Variants in TAF3 observed in about 807,000 individuals in gnomAD.
The protein encoded by TAF3 is TATA-box binding protein associated factor 3, also known as transcription initiation factor TFIID subunit 3.
TAF3 carries 7 observed loss-of-function variants against 80.6 expected under a neutral mutation model. The ratio of observed to expected loss-of-function variants is 0.09; its 90% CI spans 0.05 to 0.16. The LOEUF (loss-of-function observed/expected upper bound fraction) is 0.16. Among genes scored for constraint, TAF3 ranks in the 10% least tolerant of loss-of-function variants. The probability of loss-of-function intolerance (pLI) is 1.00; values close to 1 mark genes in which losing one functional copy is unlikely to be tolerated. For missense variants in TAF3, 921 were observed against 1,140.2 expected (o/e 0.81, Z 2.77); for synonymous variants, 444 against 446.1 (o/e 1.00, Z 0.06).
chr10:8,005,776 C>A (rs569408022), intron 4 of TAF3, among the ~76,000 whole-genome samples: 9 of 152,326 alleles, frequency 5.9e-5, no homozygotes, highest in Non-Finnish European at 1.0e-4. Context: ...TGCTTACCCT[C>A]TGGATATAAA....
In TAF3 at chr10:8,014,923, G is replaced by A. The variant is rs1455937268; in HGVS notation, c.*172G>A. Reference sequence around the variant, plus strand: ...GCGCACCTGGATTGTTCACTCCCGAGCCGCCTTGGCCTGTGGCTCCGTGGC... The same window carrying A: ...GCGCACCTGGATTGTTCACTCCCGAACCGCCTTGGCCTGTGGCTCCGTGGC... On this transcript the variant is annotated 3_prime_UTR_variant, in exon 7 of 7. Transcript: ENST00000344293. The A allele has an allele frequency of 3.7e-6, 2 of 536,810 alleles. No individual in the cohort carries two copies. Among genetic ancestry groups the A allele is most frequent in the Non-Finnish European group, 6.5e-6 (2 of 308,074 alleles). 33.3% of individuals were successfully genotyped at this position (536,810 alleles called of 1,614,324 possible). A position where few individuals can be genotyped will look rare whatever the true frequency, so the allele number is the denominator to read the frequency against.
intron 2 of TAF3, among the ~76,000 whole-genome samples, chr10:7,832,749 C>T (rs538971782): frequency 3.9e-5 from 6 of 152,190 alleles, no homozygotes; most frequent in Admixed American, 1.3e-4. Context: ...GCGATTTCAC[C>T]ATGTTGGCCA....
intron 2 of TAF3, among the ~76,000 whole-genome samples, chr10:7,933,977 C>T (rs1452325626): frequency 1.3e-5 from 2 of 152,192 alleles, no homozygotes; most frequent in Non-Finnish European, 2.9e-5. Flanking sequence ...ACACATGCAC[C>T]GAAACCTGCA....
chr10:7,818,891 G>C lies in TAF3; in HGVS notation c.166+16G>C. On this transcript the variant is annotated intron_variant, in intron 1 of 6. Transcript: ENST00000344293. The stretch of plus-strand genomic sequence containing the variant: ...TCTGAGCTCTGTGAGTACCGGGCTG[G>C]GTGCGGGAGGGCTGCCCCGGCAAGT... 2 of 1,398,066 alleles carry C rather than the reference G, an allele frequency of 1.4e-6. No homozygotes were observed. Among genetic ancestry groups the C allele is most frequent in the Middle Eastern group, 2.4e-4 (1 of 4,178 alleles). 86.6% of individuals were successfully genotyped at this position (1,398,066 alleles called of 1,614,324 possible).
chr10:7,943,542 A>G (rs76317632), intron 2 of TAF3, among the ~76,000 whole-genome samples: 2,679 of 152,280 alleles, frequency 0.018, 80 homozygotes, highest in African/African-American at 0.061. Context: ...AGCTGCCAGG[A>G]GTGCCTGAGA....
At chr10:7,910,716 A>C (rs1837649690) in intron 2 of TAF3, among the ~76,000 whole-genome samples, 2 of 152,208 alleles carry the variant, frequency 1.3e-5, no homozygotes, top group South Asian at 4.1e-4. Context: ...AATTCTGGGT[A>C]TAAAGCTAAA....
rs1258611919 is a variant in TAF3, at chr10:8,015,859, A to C, written c.*1108A>C. 6.6e-6 allele frequency: 1 copy of C among 151,388 alleles called. No individual in the cohort carries two copies. The highest frequency in any genetic ancestry group is 1.9e-4 in the East Asian group (1 of 5,194). The allele number at this position is 151,388 out of a possible 1,614,324, so 9.4% of individuals were successfully genotyped here. On this transcript the variant is annotated 3_prime_UTR_variant, in exon 7 of 7. Transcript: ENST00000344293. The stretch of plus-strand genomic sequence containing the variant: ...GGACATGTAGTTTCCATGAAAGTAA[A>C]AAAAAAAAACAACAAAAAACCCACA...
chr10:7,837,827 A>G (rs890147295), intron 2 of TAF3, among the ~76,000 whole-genome samples: 5 of 152,156 alleles, frequency 3.3e-5, no homozygotes, highest in Non-Finnish European at 5.9e-5. Context: ...TCAAAAAAAT[A>G]AAAAGGGAAT....
rs186356575 is a variant in TAF3, at chr10:8,007,822, T to C, written c.2316-1256T>C. On this transcript the variant is annotated intron_variant, in intron 4 of 6. Transcript: ENST00000344293. ...GTGCCTAGTATAACCTCTAACTTCT[T>C]ATAGGTCCTCAATAAATAGTGCTTT... is the stretch of plus-strand genomic sequence containing the variant. Among the ~76,000 whole-genome samples the C allele has an allele frequency of 4.5e-4, 68 of 151,798 alleles. No homozygotes were observed. The East Asian group carries it at 0.013, about 29-fold the overall frequency.
chr10:7,884,277 T>C (rs1837387459), intron 2 of TAF3, among the ~76,000 whole-genome samples: 1 of 152,158 alleles, frequency 6.6e-6, no homozygotes, highest in Non-Finnish European at 1.5e-5. Flanking sequence ...TTAGGCATGT[T>C]GTCATTGTTC....
chr10:7,967,586 A>G (rs907551137), intron 3 of TAF3, among the ~76,000 whole-genome samples: 1 of 152,260 alleles, frequency 6.6e-6, no homozygotes, highest in Admixed American at 6.5e-5. Context: ...CAGCTATCTT[A>G]TAAGACCTTT....
At chr10:7,971,482 A>C (rs1310800286) in intron 3 of TAF3, among the ~76,000 whole-genome samples, 1 of 151,444 alleles carries the variant, frequency 6.6e-6, no homozygotes, top group East Asian at 1.9e-4. Context: ...AAAGGAGTTT[A>C]ACATTAAAAG....
At chr10:7,838,365 T>TC (rs200854513) in intron 2 of TAF3, among the ~76,000 whole-genome samples, 1 of 142,972 alleles carries the variant, frequency 7.0e-6, no homozygotes, top group Admixed American at 7.5e-5. Context: ...TTTTGTTTTT[T>TC]TTTGTTGTTG....
intron 2 of TAF3, among the ~76,000 whole-genome samples, chr10:7,841,170 A>T (rs1224706855): frequency 6.6e-6 from 1 of 152,192 alleles, no homozygotes; most frequent in Admixed American, 6.5e-5. Flanking sequence ...CCTATTTCAG[A>T]TAAAATAATA....
Position 7,964,736 on chromosome 10 carries a change from T to C in TAF3, c.1226T>C (p.Phe409Ser). The change falls in exon 3 of 7, where the codon TTT becomes TCT. Residue 409 changes from phenylalanine to serine, a missense_variant. This residue lies in a region of TAF3 where 743 missense variants were observed against 821.0 expected (regional missense o/e 0.90). Coordinates refer to ENST00000344293, the MANE Select transcript of TAF3 (RefSeq NM_031923.4). The surrounding 1 kb of genome is among the most constrained non-coding windows in gnomAD (Gnocchi z 4.1). ...GAGCGAGAGCCAGATCCTTTCGAATTTTCTTCTGGATCGGAATCTGAAGGA... is the reference window on the plus strand; with the variant it reads ...GAGCGAGAGCCAGATCCTTTCGAATCTTCTTCTGGATCGGAATCTGAAGGA... ...CAEREPDPFE[F>S]SSGSESEGDI... 1 of 1,614,162 alleles carries C rather than the reference T, an allele frequency of 6.2e-7. No individual in the cohort carries two copies. The highest frequency in any genetic ancestry group is 8.5e-7 in the Non-Finnish European group (1 of 1,180,022).
chr10:7,862,697 T>TC (rs905340689), intron 2 of TAF3, among the ~76,000 whole-genome samples: 1 of 152,200 alleles, frequency 6.6e-6, no homozygotes, highest in Non-Finnish European at 1.5e-5. Context: ...CCCAGGGGGA[T>TC]CCCCAGGCAA....
intron 2 of TAF3, among the ~76,000 whole-genome samples, chr10:7,952,406 A>G (rs564237729): frequency 9.8e-5 from 15 of 152,348 alleles, no homozygotes; most frequent in Non-Finnish European, 1.6e-4. Flanking sequence ...GTTATCATAA[A>G]TCATATCATA....
At chr10:7,865,961 T>C (rs1400229309) in intron 2 of TAF3, among the ~76,000 whole-genome samples, 7 of 152,218 alleles carry the variant, frequency 4.6e-5, no homozygotes, top group African/African-American at 7.2e-5. Context: ...GACTGGAGCA[T>C]GTGGTGCACC....
intron 2 of TAF3, among the ~76,000 whole-genome samples, chr10:7,917,055 A>G (rs1315272404): frequency 6.6e-6 from 1 of 152,244 alleles, no homozygotes; most frequent in African/African-American, 2.4e-5. Flanking sequence ...TTCATTGAGA[A>G]CATCTCTGTG....
Sources: allele counts gnomAD v4.1 joint callset (sites outside exome capture counted in the v4.1 genomes callset), GRCh38; gene constraint gnomAD v4.1.1; regional missense constraint gnomAD v4.1.1; non-coding constraint Gnocchi (gnomAD v3.1); transcripts MANE v1.5; gene names NCBI Gene and HGNC (gene_info 2026-07-23, HGNC 2026-07-21).